SH3PXD2A: variants seen among roughly 807,000 people sequenced by gnomAD.
The protein encoded by SH3PXD2A is SH3 and PX domains 2A, also known as SH3 and PX domain-containing protein 2A.
Under a neutral mutation model 115.2 loss-of-function variants are expected in SH3PXD2A, and 32 were observed. That is an observed-to-expected ratio of 0.28 (90% CI 0.21 to 0.37). The LOEUF (loss-of-function observed/expected upper bound fraction) is 0.37. Among genes scored for constraint, SH3PXD2A ranks in the 10% least tolerant of loss-of-function variants. The pLI is 1.00. For missense variants in SH3PXD2A, 1,328 were observed against 1,498.7 expected, an observed-to-expected ratio of 0.89 and a Z score of 1.88; for synonymous variants, 610 against 629.1, an observed-to-expected ratio of 0.97 and a Z score of 0.45.
At chr10:103,723,307 T>G (rs2134171189) in intron 5 of SH3PXD2A, among the ~76,000 whole-genome samples, 1 of 152,262 alleles carries the variant, frequency 6.6e-6, no homozygotes, top group East Asian at 1.9e-4. Flanking sequence ...AGCATCCCCT[T>G]AAGTCCTCTC....
intron 6 of SH3PXD2A, among the ~76,000 whole-genome samples, chr10:103,681,501 C>A (rs879485593): frequency 2.0e-5 from 3 of 152,260 alleles, no homozygotes; most frequent in Non-Finnish European, 4.4e-5. Flanking sequence ...GGTGCAGTGG[C>A]TCACGCCTAT....
In SH3PXD2A at chr10:103,756,675, C is replaced by T. The variant is rs1318491957; in HGVS notation, c.229+10419G>A. ...AGTGGGGAGTGGTGGTGAGGTGAAA[C>T]ACTCCTTCTGCCATCTTGGCCAGGG... is the stretch of plus-strand genomic sequence containing the variant. On this transcript the variant is annotated intron_variant, in intron 3 of 14. Coordinates refer to ENST00000369774, the MANE Select transcript of SH3PXD2A (RefSeq NM_001394015.1). The surrounding 1 kb of genome is among the most constrained non-coding windows in gnomAD (Gnocchi z 4.4). Among the ~76,000 whole-genome samples the T allele has an allele frequency of 1.3e-5, 2 of 152,154 alleles. No homozygotes were observed. Among genetic ancestry groups the T allele is most frequent in the African/African-American group, 4.8e-5 (2 of 41,436 alleles).
chr10:103,749,490 C>A (rs1200629273), intron 3 of SH3PXD2A, among the ~76,000 whole-genome samples: 1 of 152,202 alleles, frequency 6.6e-6, no homozygotes, highest in Non-Finnish European at 1.5e-5. Context: ...TGCTTCCAGG[C>A]TACATCTGCT....
intron 1 of SH3PXD2A, among the ~76,000 whole-genome samples, chr10:103,843,222 T>G (rs1488166257): frequency 6.6e-6 from 1 of 152,176 alleles, no homozygotes; most frequent in Non-Finnish European, 1.5e-5. Context: ...AGGGCTGTGA[T>G]TCATAGCCAG....
chr10:103,771,661 G>A (rs940382398), intron 2 of SH3PXD2A, among the ~76,000 whole-genome samples: 4 of 151,938 alleles, frequency 2.6e-5, no homozygotes, highest in South Asian at 2.1e-4. Flanking sequence ...CTTGAACCTC[G>A]GAGGCGGAAG....
intron 13 of SH3PXD2A, chr10:103,610,056 CCTT>C (rs1341807317): frequency 6.6e-6 from 1 of 152,320 alleles, no homozygotes; most frequent in East Asian, 1.9e-4. Flanking sequence ...ACTCAGCACT[CCTT>C]CTGAACTTCT....
chr10:103,606,917 C>T lies in SH3PXD2A; in HGVS notation c.1309-1000G>A, dbSNP rs570418611. Among the ~76,000 whole-genome samples, 1,514 of 152,268 alleles carry T rather than the reference C, an allele frequency of 9.9e-3. 28 individuals are homozygous for T. The highest frequency in any genetic ancestry group is 0.035 in the African/African-American group (1,451 of 41,564). On this transcript the variant is annotated intron_variant, in intron 13 of 14. Transcript: ENST00000369774. Reference sequence around the variant, plus strand: ...AGTGCAGCCTCTGCCCGGCCGCCACCCCGTCTGGGAAGTGAGGAGCGTCTC... The same window carrying T: ...AGTGCAGCCTCTGCCCGGCCGCCACTCCGTCTGGGAAGTGAGGAGCGTCTC...
chr10:103,695,236 C>T (rs894513136), intron 5 of SH3PXD2A, among the ~76,000 whole-genome samples: 3 of 152,176 alleles, frequency 2.0e-5, no homozygotes, highest in African/African-American at 7.2e-5. Flanking sequence ...GGCTGCCTCA[C>T]AGGAATGGCT....
At chr10:103,615,486 GT>G (rs2036500154) in intron 11 of SH3PXD2A, among the ~76,000 whole-genome samples, 9 of 31,264 alleles carry the variant, frequency 2.9e-4, no homozygotes, top group East Asian at 1.7e-3. Context: ...GTGCGAGGGT[GT>G]GTGTGTGTGT....
chr10:103,791,722 G>GC (rs377088952), intron 2 of SH3PXD2A, among the ~76,000 whole-genome samples: 3 of 151,870 alleles, frequency 2.0e-5, no homozygotes, highest in African/African-American at 4.8e-5. Context: ...GACCTGAGAG[G>GC]CCCCCACAAG....
At chr10:103,717,383 G>C (rs2038117178) in intron 5 of SH3PXD2A, among the ~76,000 whole-genome samples, 1 of 152,208 alleles carries the variant, frequency 6.6e-6, no homozygotes, top group Admixed American at 6.5e-5. Flanking sequence ...CAGCTCTAGG[G>C]AGGGCTTTCT....
intron 8 of SH3PXD2A, among the ~76,000 whole-genome samples, chr10:103,631,667 C>T (rs1592272494): frequency 6.6e-6 from 1 of 152,226 alleles, no homozygotes; most frequent in Admixed American, 6.5e-5. Flanking sequence ...GCCCACCAAG[C>T]CATTCTGGGC....
intron 8 of SH3PXD2A, 119 bp downstream of exon 8, chr10:103,660,864 T>A: frequency 8.4e-7 from 1 of 1,186,586 alleles, no homozygotes; most frequent in Admixed American, 1.8e-5. Flanking sequence ...CGGCCCTCTC[T>A]CTGCCAGATG....
chr10:103,699,452 C>T (rs546426894), intron 5 of SH3PXD2A, among the ~76,000 whole-genome samples: 1 of 152,162 alleles, frequency 6.6e-6, no homozygotes, highest in Non-Finnish European at 1.5e-5. Flanking sequence ...TAACAGGAGG[C>T]TACTCTGAGT....
chr10:103,806,843 C>T (rs1309013040), intron 1 of SH3PXD2A, among the ~76,000 whole-genome samples: 1 of 152,112 alleles, frequency 6.6e-6, no homozygotes, highest in Non-Finnish European at 1.5e-5. Context: ...ACTGAGGGGA[C>T]CCAGGGGCTC....
chr10:103,800,181 G>A (rs1202381122), intron 2 of SH3PXD2A, among the ~76,000 whole-genome samples: 2 of 152,016 alleles, frequency 1.3e-5, no homozygotes, highest in Non-Finnish European at 2.9e-5. Context: ...CTACCTGAAA[G>A]GGCTGCTGCT....
chr10:103,740,894 C>G (rs931124147), intron 3 of SH3PXD2A, among the ~76,000 whole-genome samples: 5 of 152,190 alleles, frequency 3.3e-5, no homozygotes, highest in African/African-American at 1.2e-4. Context: ...CTGTTCCAGG[C>G]GCTGGGAGCA....
chr10:103,628,877 T>G (rs541043817), intron 8 of SH3PXD2A, among the ~76,000 whole-genome samples: 1 of 152,368 alleles, frequency 6.6e-6, no homozygotes, highest in South Asian at 2.1e-4. Context: ...CCAAACCCTG[T>G]GTCTCCCAGA....
At chr10:103,802,747 G>A (rs1191897280) in intron 1 of SH3PXD2A, among the ~76,000 whole-genome samples, 2 of 152,300 alleles carry the variant, frequency 1.3e-5, no homozygotes, top group East Asian at 3.9e-4. Flanking sequence ...CAGGAGAGAG[G>A]CAATGGCTGT....
Sources: gnomAD v4.1 joint callset for allele counts (sites outside exome capture counted in the v4.1 genomes callset) on GRCh38, gnomAD v4.1.1 for gene constraint, Gnocchi (gnomAD v3.1) non-coding constraint, MANE v1.5 for transcripts, NCBI Gene and HGNC (gene_info 2026-07-23, HGNC 2026-07-21) for gene names.